The following CNTNAP5 variants were observed in gnomAD, a reference collection of about 807,000 sequenced individuals.
CNTNAP5 encodes the protein contactin-associated protein-like 5.
Under a neutral mutation model 150.2 loss-of-function variants are expected in CNTNAP5, and 72 were observed. The observed-to-expected ratio is 0.48, with a 90% CI of 0.40 to 0.58. The LOEUF is 0.58. CNTNAP5 is among the 20% of genes least tolerant of loss of function. CNTNAP5 has a pLI of 0.00. For synonymous variants in CNTNAP5, 672 were observed against 619.8 expected (o/e 1.08, Z -1.25); for missense variants, 1,636 against 1,626.2 (o/e 1.01, Z -0.10).
intron 21 of CNTNAP5, among the ~76,000 whole-genome samples, chr2:124,899,101 C>A (rs1307561922): frequency 6.6e-6 from 1 of 151,402 alleles, no homozygotes; most frequent in East Asian, 1.9e-4. Context: ...CTTGACTTAG[C>A]CATTCTACAA....
chr2:124,692,882 G>A (rs1679328240), intron 13 of CNTNAP5, among the ~76,000 whole-genome samples: 1 of 152,102 alleles, frequency 6.6e-6, no homozygotes, highest in South Asian at 2.1e-4. Context: ...GGTCCTGGCT[G>A]ATGAGTTGGC....
chr2:124,905,685 T>C (rs148581468), intron 22 of CNTNAP5, among the ~76,000 whole-genome samples: 2 of 152,126 alleles, frequency 1.3e-5, no homozygotes, highest in East Asian at 3.9e-4. Context: ...CAGAGCCACA[T>C]GGAGAAGTGC....
intron 1 of CNTNAP5, among the ~76,000 whole-genome samples, chr2:124,132,944 T>C (rs1046583943): frequency 1.3e-5 from 2 of 152,162 alleles, no homozygotes; most frequent in South Asian, 4.1e-4. Flanking sequence ...GCTTTTGTCA[T>C]GCAGCTCTAT....
intron 19 of CNTNAP5, among the ~76,000 whole-genome samples, chr2:124,842,556 G>A (rs1682966039): frequency 6.6e-6 from 1 of 152,154 alleles, no homozygotes; most frequent in South Asian, 2.1e-4. Context: ...TCCCAGTAAT[G>A]GGACTCTTTT....
intron 3 of CNTNAP5, among the ~76,000 whole-genome samples, chr2:124,387,227 T>G (rs1690952125): frequency 6.6e-6 from 1 of 152,238 alleles, no homozygotes; most frequent in Non-Finnish European, 1.5e-5. Context: ...CCGACTAGAA[T>G]GTCATCTTTT....
chr2:124,078,140 A>G (rs572333563), intron 1 of CNTNAP5, among the ~76,000 whole-genome samples: 15 of 152,342 alleles, frequency 9.8e-5, no homozygotes, highest in African/African-American at 3.6e-4. Context: ...CAATTCTACA[A>G]ATTGTAGCAT....
chr2:124,881,292 G>GGGAGCA (rs1490181172), intron 21 of CNTNAP5, among the ~76,000 whole-genome samples: 1 of 152,000 alleles, frequency 6.6e-6, no homozygotes, highest in African/African-American at 2.4e-5. Context: ...AATGGAACAG[G>GGGAGCA]GGAGCAGGTG....
At chr2:124,329,063 G>A (rs143562970) in intron 3 of CNTNAP5, among the ~76,000 whole-genome samples, 109 of 152,288 alleles carry the variant, frequency 7.2e-4, no homozygotes, top group African/African-American at 2.6e-3. Flanking sequence ...ATGATTGCTA[G>A]GGGAAGTAAA....
chr2:124,191,957 G>C (rs575225315), intron 1 of CNTNAP5, among the ~76,000 whole-genome samples: 29 of 152,094 alleles, frequency 1.9e-4, no homozygotes, highest in Admixed American at 1.6e-3. Context: ...TCCCTAGCAG[G>C]CTTTAAGGAG....
At chr2:124,491,693 T>C (rs138583657) in intron 7 of CNTNAP5, among the ~76,000 whole-genome samples, 2 of 152,222 alleles carry the variant, frequency 1.3e-5, no homozygotes, top group African/African-American at 4.8e-5. Flanking sequence ...CTGTACCAAT[T>C]TACATTACTA....
chr2:124,592,970 A>C (rs187958351), intron 11 of CNTNAP5, among the ~76,000 whole-genome samples: 96 of 151,832 alleles, frequency 6.3e-4, no homozygotes, highest in South Asian at 1.0e-3. Context: ...TATTTTGAAT[A>C]TTAGGAAATT....
intron 6 of CNTNAP5, among the ~76,000 whole-genome samples, chr2:124,459,809 T>A (rs2420864): frequency 6.6e-6 from 1 of 150,956 alleles, no homozygotes; most frequent in African/African-American, 2.4e-5. Flanking sequence ...ATGGGAATAA[T>A]ACAGCCCATG....
At chr2:124,047,862 C>A (rs1053483956) in intron 1 of CNTNAP5, among the ~76,000 whole-genome samples, 4 of 152,158 alleles carry the variant, frequency 2.6e-5, no homozygotes, top group African/African-American at 7.2e-5. Flanking sequence ...CTTCATGCCA[C>A]TTAGACCCAG....
At chr2:124,744,721 A>G (rs1187270511) in intron 13 of CNTNAP5, among the ~76,000 whole-genome samples, 2 of 152,218 alleles carry the variant, frequency 1.3e-5, no homozygotes, top group African/African-American at 4.8e-5. Context: ...AAAAAGTTCA[A>G]TTTCTGCAAT....
chr2:124,661,544 G>A (rs1678590996), intron 13 of CNTNAP5, among the ~76,000 whole-genome samples: 1 of 140,440 alleles, frequency 7.1e-6, no homozygotes, highest in South Asian at 2.3e-4. Flanking sequence ...TTCCCCCGAA[G>A]GGCCTGCCTG....
chr2:124,215,498 A>G (rs1170601), intron 1 of CNTNAP5, among the ~76,000 whole-genome samples: 24,691 of 152,140 alleles, frequency 0.16, 2,321 homozygotes, highest in East Asian at 0.35. Flanking sequence ...TTAACTGTAT[A>G]CATATACTGA....
At chr2:124,893,594 A>G (rs183460589) in intron 21 of CNTNAP5, among the ~76,000 whole-genome samples, 14 of 152,278 alleles carry the variant, frequency 9.2e-5, no homozygotes, top group Admixed American at 5.2e-4. Context: ...CAATAACTAC[A>G]AAGGGCATCC....
At chr2:124,541,047 T>C (rs1195953887) in intron 10 of CNTNAP5, among the ~76,000 whole-genome samples, 1 of 152,110 alleles carries the variant, frequency 6.6e-6, no homozygotes, top group Non-Finnish European at 1.5e-5. Flanking sequence ...GTCAGTTTCT[T>C]AGAGCTTTGT....
intron 13 of CNTNAP5, among the ~76,000 whole-genome samples, chr2:124,737,855 G>T (rs190013923): frequency 1.6e-4 from 24 of 152,110 alleles, no homozygotes; most frequent in African/African-American, 5.3e-4. Flanking sequence ...TTTCTCATCT[G>T]CAAAGGGGAA....
Sources: allele counts gnomAD v4.1 joint callset (sites outside exome capture counted in the v4.1 genomes callset), GRCh38; gene constraint gnomAD v4.1.1; transcripts MANE v1.5; gene names NCBI Gene and HGNC (gene_info 2026-07-23, HGNC 2026-07-21).